PRH1: variants seen among roughly 807,000 people sequenced by gnomAD.
PRH1 encodes the protein salivary acidic proline-rich phosphoprotein 1/2.
PRH1 carries 7 observed loss-of-function variants against 7.9 expected under a neutral mutation model. The observed-to-expected ratio is 0.89, with a 90% confidence interval of 0.50 to 1.67. The LOEUF is 1.67. Among genes scored for constraint, PRH1 ranks in the 40% most tolerant of loss-of-function variants. The probability of loss-of-function intolerance (pLI) is 0.00; values close to 1 mark genes in which losing one functional copy is unlikely to be tolerated. For synonymous variants in PRH1, 45 were observed against 80.8 expected (o/e 0.56, Z 2.38); for missense variants, 109 against 223.6 (o/e 0.49, Z 3.27).
chr12:11,171,470 C>T (rs1565730800), upstream of PRH1: 4 of 1,232,226 alleles, frequency 3.2e-6, no homozygotes, highest in Non-Finnish European at 4.0e-6. Flanking sequence ...TGCTCGCCTT[C>T]TTCGAGCTGG....
At chr12:11,060,087 T>C (rs1210739516) in intron 1 of PRH1, among the ~76,000 whole-genome samples, 1 of 152,080 alleles carries the variant, frequency 6.6e-6, no homozygotes, top group African/African-American at 2.4e-5. Flanking sequence ...ATAAATCACA[T>C]GTGGGGATGA....
chr12:11,063,733 A>C (rs1185508333), intron 1 of PRH1, among the ~76,000 whole-genome samples: 1 of 152,162 alleles, frequency 6.6e-6, no homozygotes, highest in African/African-American at 2.4e-5. Context: ...GAAATTGCAA[A>C]GGTTTGTTCT....
chr12:10,911,580 G>A (rs952784449), intron 2 of PRH1, among the ~76,000 whole-genome samples: 11 of 152,148 alleles, frequency 7.2e-5, no homozygotes, highest in Non-Finnish European at 5.9e-5. Context: ...GATGGATGCA[G>A]TTTGCCAACG....
chr12:11,142,624 G>C (rs34315443), intron 1 of PRH1, among the ~76,000 whole-genome samples: 1 of 151,946 alleles, frequency 6.6e-6, no homozygotes, highest in African/African-American at 2.4e-5. Context: ...ACAATGCCAG[G>C]TAAAATTGAA....
intron 1 of PRH1, among the ~76,000 whole-genome samples, chr12:10,976,395 C>T (rs1322180505): frequency 6.6e-6 from 1 of 151,988 alleles, no homozygotes; most frequent in African/African-American, 2.4e-5. Context: ...TACAACATAC[C>T]AGAATTTCTG....
intron 1 of PRH1, chr12:11,061,259 A>G: frequency 6.8e-7 from 1 of 1,476,906 alleles, no homozygotes; most frequent in East Asian, 2.3e-5. Flanking sequence ...CATGCTTGAA[A>G]GTTATTCATA....
In PRH1 at chr12:10,890,399, GTGTT is replaced by G. The variant is rs567659111; in HGVS notation, c.-58-6128_-58-6125del. Among the ~76,000 whole-genome samples, 21 of 152,180 alleles carry G rather than the reference GTGTT, an allele frequency of 1.4e-4. No homozygotes were observed. The South Asian group carries it at 4.2e-3, about 30-fold the overall frequency. ...TCCTAACTTTGGTGTGTGTGTGTGT[GTGTT>G]TGTGTGTGTGTGTGTGCACTGTTTG... On this transcript the variant is annotated intron_variant, in intron 2 of 3. Transcript: ENST00000539853.
In PRH1 at chr12:11,083,012, T is replaced by G. The variant is rs1265373667; in HGVS notation, n.124-35824A>C. ...AACAAAATTATCTTTCTATGAATTTTTCTTGAATATTCAAAAAATTTGTAA... is the reference window on the plus strand; with the variant it reads ...AACAAAATTATCTTTCTATGAATTTGTCTTGAATATTCAAAAAATTTGTAA... On this transcript the variant is annotated intron_variant and non_coding_transcript_variant, in intron 1 of 4. Coordinates refer to the PRH1 transcript ENST00000541977. Among the ~76,000 whole-genome samples the G allele has an allele frequency of 1.7e-5, 2 of 116,840 alleles. 1 individual carries two copies. Among genetic ancestry groups the G allele is most frequent in the African/African-American group, 5.7e-5 (2 of 34,948 alleles). 76.7% of individuals were successfully genotyped at this position (116,840 alleles called of 152,430 possible). A position where few individuals can be genotyped will look rare whatever the true frequency, so the allele number is the denominator to read the frequency against.
intron 2 of PRH1, among the ~76,000 whole-genome samples, chr12:10,963,782 T>C (rs1219450718): frequency 6.6e-6 from 1 of 152,236 alleles, no homozygotes; most frequent in Non-Finnish European, 1.5e-5. Context: ...ATGGTAGACA[T>C]ATACAAAATG....
At position 10,976,291 on chromosome 12, in the gene PRH1, T is replaced by C. The variant is rs572321534; in HGVS notation, c.-125-2570A>G. On this transcript the variant is annotated intron_variant, in intron 1 of 3. Transcript: ENST00000539853. ...AATAGCTTAAAACCATATAATTACA[T>C]GGAAATTAAACAACCCTCTCCTGAA... Among the ~76,000 whole-genome samples, 14 of 152,254 alleles carry C rather than the reference T, an allele frequency of 9.2e-5. 1 individual carries two copies. In the South Asian group the frequency reaches 2.9e-3, roughly 32 times the overall value.
intron 2 of PRH1, chr12:10,909,201 A>G: frequency 6.2e-7 from 1 of 1,613,880 alleles, no homozygotes; most frequent in Middle Eastern, 1.6e-4. Flanking sequence ...GACCCAGTCA[A>G]TGCAGTTGAT....
chr12:11,076,290 TATC>T (rs1406838341), intron 1 of PRH1, among the ~76,000 whole-genome samples: 2 of 18,408 alleles, frequency 1.1e-4, no homozygotes, highest in African/African-American at 1.5e-4. Context: ...TAATAAAACA[TATC>T]ATTAATACAT....
intron 1 of PRH1, among the ~76,000 whole-genome samples, chr12:10,988,952 G>A (rs533709559): frequency 8.5e-5 from 13 of 152,168 alleles, no homozygotes; most frequent in African/African-American, 2.9e-4. Context: ...GACTACAGGC[G>A]CATGCCACCA....
At chr12:11,028,717 T>G (rs10772422) in intron 1 of PRH1, among the ~76,000 whole-genome samples, 1 of 151,298 alleles carries the variant, frequency 6.6e-6, no homozygotes, top group Non-Finnish European at 1.5e-5. Context: ...TTTTTCAAAC[T>G]ATTATAATAG....
chr12:10,995,842 A>G (rs959173575), intron 1 of PRH1, among the ~76,000 whole-genome samples: 1 of 152,160 alleles, frequency 6.6e-6, no homozygotes, highest in African/African-American at 2.4e-5. Context: ...AAAAGAGCTC[A>G]TGATCATGTT....
intron 2 of PRH1, among the ~76,000 whole-genome samples, chr12:10,971,076 G>A (rs541816173): frequency 1.4e-4 from 19 of 137,430 alleles, no homozygotes; most frequent in Non-Finnish European, 2.6e-4. Flanking sequence ...AGCACAGTAA[G>A]AGAAAAAGTT....
At chr12:11,115,065 T>A (rs1331830196) in intron 1 of PRH1, among the ~76,000 whole-genome samples, 1 of 152,118 alleles carries the variant, frequency 6.6e-6, no homozygotes, top group Non-Finnish European at 1.5e-5. Context: ...TAACATTGAA[T>A]GTAAATGGGC....
chr12:11,157,879 G>A (rs188756779), intron 1 of PRH1, among the ~76,000 whole-genome samples: 2 of 152,320 alleles, frequency 1.3e-5, no homozygotes, highest in Admixed American at 6.5e-5. Flanking sequence ...CCTGATAAAT[G>A]TGATAGATGT....
chr12:10,973,056 T>G (rs902115020), intron 2 of PRH1, among the ~76,000 whole-genome samples: 1 of 151,822 alleles, frequency 6.6e-6, no homozygotes, highest in African/African-American at 2.4e-5. Context: ...TTCCCACTCA[T>G]GCTTTTTAGC....
Sources: allele counts gnomAD v4.1 joint callset (sites outside exome capture counted in the v4.1 genomes callset), GRCh38; gene constraint gnomAD v4.1.1; transcripts MANE v1.5; gene names NCBI Gene and HGNC (gene_info 2026-07-23, HGNC 2026-07-21).